TAFA5: variants seen among roughly 807,000 people sequenced by gnomAD.
TAFA5 encodes the protein chemokine-like protein TAFA-5.
Under a neutral mutation model 15.3 loss-of-function variants are expected in TAFA5, and 6 were observed. The ratio of observed to expected loss-of-function variants is 0.39; its 90% CI spans 0.21 to 0.77. The LOEUF (loss-of-function observed/expected upper bound fraction) is 0.77. Among genes scored for constraint, TAFA5 ranks in the 30% least tolerant of loss-of-function variants. TAFA5 has a pLI of 0.41. For synonymous variants in TAFA5, 103 were observed against 80.7 expected (o/e 1.28, Z -1.48); for missense variants, 161 against 193.1 (o/e 0.83, Z 0.98).
intron 1 of TAFA5, among the ~76,000 whole-genome samples, chr22:48,593,420 G>T (rs1223089005): frequency 1.3e-5 from 2 of 152,114 alleles, no homozygotes; most frequent in African/African-American, 4.8e-5. Flanking sequence ...TTTTCAGGCA[G>T]GGAGACTGCT....
intron 1 of TAFA5, among the ~76,000 whole-genome samples, chr22:48,501,811 G>A (rs992626719): frequency 2.6e-5 from 4 of 152,196 alleles, no homozygotes; most frequent in Non-Finnish European, 4.4e-5. Flanking sequence ...TCTGTGCCCC[G>A]GAGGGTGCAT....
intron 1 of TAFA5, among the ~76,000 whole-genome samples, chr22:48,518,993 G>A (rs895102374): frequency 6.6e-6 from 1 of 152,084 alleles, no homozygotes; most frequent in Non-Finnish European, 1.5e-5. Context: ...TGGAGGGAGG[G>A]CTCACGTCTG....
chr22:48,511,548 C>T (rs1442553460), intron 1 of TAFA5, among the ~76,000 whole-genome samples: 2 of 152,224 alleles, frequency 1.3e-5, no homozygotes, highest in African/African-American at 2.4e-5. Context: ...GTTTCCATTG[C>T]ACAAGAGGCC....
chr22:48,591,800 T>C (rs1924577215), intron 1 of TAFA5, among the ~76,000 whole-genome samples: 1 of 152,124 alleles, frequency 6.6e-6, no homozygotes, highest in Non-Finnish European at 1.5e-5. Context: ...GAGGAGGCAC[T>C]GGGCTCGCGG....
intron 1 of TAFA5, among the ~76,000 whole-genome samples, chr22:48,514,303 C>T (rs973949638): frequency 3.3e-5 from 5 of 152,238 alleles, no homozygotes; most frequent in Non-Finnish European, 7.3e-5. Context: ...TTCTTGGCAT[C>T]TCACGTTGGT....
At chr22:48,670,953 GTCAAACTGCCATTGCTCA>G (rs1016583878) in intron 2 of TAFA5, among the ~76,000 whole-genome samples, 1 of 152,202 alleles carries the variant, frequency 6.6e-6, no homozygotes, top group African/African-American at 2.4e-5. Context: ...ACCTTGTTAA[GTCAAACTGCCATTGCTCA>G]TTACCCATAA....
chr22:48,696,758 C>G (rs994412242), intron 2 of TAFA5, among the ~76,000 whole-genome samples: 47 of 152,366 alleles, frequency 3.1e-4, no homozygotes, highest in African/African-American at 1.1e-3. Flanking sequence ...ATGAGGTTTG[C>G]GCCTGCAGAG....
chr22:48,603,678 G>A (rs1329975840), intron 1 of TAFA5, among the ~76,000 whole-genome samples: 1 of 152,210 alleles, frequency 6.6e-6, no homozygotes, highest in Non-Finnish European at 1.5e-5. Flanking sequence ...AGCCCACAGA[G>A]GTGCAGCTGC....
chr22:48,638,734 T>C (rs1926559113), intron 1 of TAFA5, among the ~76,000 whole-genome samples: 2 of 122,424 alleles, frequency 1.6e-5, no homozygotes, highest in Admixed American at 9.4e-5. Context: ...ACCCCGACAC[T>C]AAGCCCTGGG....
At chr22:48,631,992 G>C (rs16999624) in intron 1 of TAFA5, among the ~76,000 whole-genome samples, 4 of 152,174 alleles carry the variant, frequency 2.6e-5, no homozygotes, top group African/African-American at 9.7e-5. Flanking sequence ...CACACGGCTC[G>C]GTACAGGGCC....
intron 1 of TAFA5, among the ~76,000 whole-genome samples, chr22:48,536,242 C>T (rs933809615): frequency 1.3e-5 from 2 of 152,248 alleles, no homozygotes; most frequent in Admixed American, 1.3e-4. Flanking sequence ...CTACCGTCCC[C>T]GGCTCAAGGC....
chr22:48,536,548 C>T (rs992773355), intron 1 of TAFA5, among the ~76,000 whole-genome samples: 1 of 152,236 alleles, frequency 6.6e-6, no homozygotes, highest in Admixed American at 6.5e-5. Flanking sequence ...CTTGTTTTGC[C>T]AAACATTTCA....
At chr22:48,533,126 G>A (rs1922028885) in intron 1 of TAFA5, among the ~76,000 whole-genome samples, 1 of 152,148 alleles carries the variant, frequency 6.6e-6, no homozygotes, top group Non-Finnish European at 1.5e-5. Context: ...CACCCCCTGG[G>A]AGGCCTGTGC....
intron 1 of TAFA5, among the ~76,000 whole-genome samples, chr22:48,578,209 G>C (rs1923889965): frequency 6.6e-6 from 1 of 152,244 alleles, no homozygotes; most frequent in Non-Finnish European, 1.5e-5. Flanking sequence ...CAGGTGCCCA[G>C]CTGCATCCTG....
chr22:48,701,086 C>G (rs1335553532), intron 2 of TAFA5, among the ~76,000 whole-genome samples: 1 of 152,108 alleles, frequency 6.6e-6, no homozygotes, highest in Non-Finnish European at 1.5e-5. Context: ...GGGCCTGGTA[C>G]AATGGATGTG....
chr22:48,641,508 T>G (rs531055260), intron 1 of TAFA5, among the ~76,000 whole-genome samples: 20 of 152,072 alleles, frequency 1.3e-4, no homozygotes, highest in African/African-American at 4.8e-4. Context: ...TCTTTTCCAT[T>G]CTGATGGTGG....
intron 1 of TAFA5, among the ~76,000 whole-genome samples, chr22:48,556,356 C>G (rs186565876): frequency 6.6e-6 from 1 of 152,292 alleles, no homozygotes; most frequent in East Asian, 1.9e-4. Flanking sequence ...CTCCATCCTG[C>G]GCACCACAGG....
chr22:48,591,987 G>A (rs868687779), intron 1 of TAFA5, among the ~76,000 whole-genome samples: 19 of 148,760 alleles, frequency 1.3e-4, no homozygotes, highest in African/African-American at 4.9e-4. Flanking sequence ...TGTGATGGCC[G>A]GGGGTGATGC....
intron 1 of TAFA5, among the ~76,000 whole-genome samples, chr22:48,559,694 A>T (rs1214027021): frequency 6.6e-6 from 1 of 151,340 alleles, no homozygotes; most frequent in Non-Finnish European, 1.5e-5. Context: ...CTTGAGGAGG[A>T]GGAAGGAAGC....
Sources: allele counts gnomAD v4.1 joint callset (sites outside exome capture counted in the v4.1 genomes callset), GRCh38; gene constraint gnomAD v4.1.1; transcripts MANE v1.5; gene names NCBI Gene and HGNC (gene_info 2026-07-23, HGNC 2026-07-21).